GAD2: variants seen among roughly 807,000 people sequenced by gnomAD.
The protein encoded by GAD2 is 65 kDa glutamic acid decarboxylase.
A neutral mutation model predicts 80.1 loss-of-function variants in GAD2; 22 were observed. The ratio of observed to expected loss-of-function variants is 0.27; its 90% CI spans 0.20 to 0.39. The LOEUF (loss-of-function observed/expected upper bound fraction) is 0.39. GAD2 is among the 10% of genes least tolerant of loss of function. GAD2 has a pLI of 1.00. For synonymous variants in GAD2, 274 were observed against 256.9 expected (o/e 1.07, Z -0.64); for missense variants, 624 against 738.4 (o/e 0.85, Z 1.80).
intron 8 of GAD2, among the ~76,000 whole-genome samples, chr10:26,258,511 T>C (rs1296064604): frequency 6.6e-6 from 1 of 152,176 alleles, no homozygotes; most frequent in African/African-American, 2.4e-5. Context: ...AAATTGAAAT[T>C]CCGTGCTCAT....
chr10:26,223,644 A>G (rs1589136714), intron 4 of GAD2, among the ~76,000 whole-genome samples: 1 of 151,882 alleles, frequency 6.6e-6, no homozygotes, highest in South Asian at 2.1e-4. Context: ...AAGAAATATC[A>G]AAACCTAAAG....
chr10:26,292,274 G>A (rs1321759493), intron 13 of GAD2, among the ~76,000 whole-genome samples, 191 bp from the exon 14 acceptor site: 4 of 152,184 alleles, frequency 2.6e-5, no homozygotes, highest in African/African-American at 7.2e-5. Flanking sequence ...TAATGAAAGG[G>A]AACAAAAGCA....
In GAD2 at chr10:26,301,037, A is replaced by G. The variant is rs1258650781; in HGVS notation, c.*76A>G. On this transcript the variant is annotated 3_prime_UTR_variant, in exon 16 of 16. Coordinates refer to ENST00000376261, the MANE Select transcript of GAD2 (RefSeq NM_001134366.2). Reference sequence around the variant, plus strand: ...TCACAAACTGTGTGAATGTATTTGTAGTTTGTTCCAAAGTAAATCTATTTC... The same window carrying G: ...TCACAAACTGTGTGAATGTATTTGTGGTTTGTTCCAAAGTAAATCTATTTC... The G allele has an allele frequency of 1.6e-6, 2 of 1,264,290 alleles. No individual in the cohort carries two copies. The highest frequency in any genetic ancestry group is 3.0e-5 in the African/African-American group (2 of 67,360). 78.3% of individuals were successfully genotyped at this position (1,264,290 alleles called of 1,614,324 possible). A position where few individuals can be genotyped will look rare whatever the true frequency, so the allele number is the denominator to read the frequency against.
At chr10:26,240,797 C>T (rs895284578) in intron 7 of GAD2, among the ~76,000 whole-genome samples, 20 of 150,526 alleles carry the variant, frequency 1.3e-4, no homozygotes, top group East Asian at 1.2e-3. Context: ...TTTGGGAGGC[C>T]GAGGCGGGGT....
At chr10:26,297,804 C>A (rs1323009848) in intron 15 of GAD2, among the ~76,000 whole-genome samples, 1 of 152,166 alleles carries the variant, frequency 6.6e-6, no homozygotes, top group Non-Finnish European at 1.5e-5. Flanking sequence ...TTTTATGCCT[C>A]ACAGGGCCTG....
chr10:26,289,790 C>A (rs906854787), intron 13 of GAD2, among the ~76,000 whole-genome samples: 63 of 141,946 alleles, frequency 4.4e-4, no homozygotes, highest in Non-Finnish European at 7.0e-4. Context: ...ATCTCCCCCC[C>A]ACCTTTTTTT....
intron 8 of GAD2, among the ~76,000 whole-genome samples, chr10:26,247,666 C>G (rs915186880): frequency 6.6e-6 from 1 of 151,980 alleles, no homozygotes; most frequent in South Asian, 2.1e-4. Context: ...GAGGCCGAGG[C>G]GGGTGGATAA....
At chr10:26,241,850 C>G (rs760319403) in intron 7 of GAD2, among the ~76,000 whole-genome samples, 1 of 152,166 alleles carries the variant, frequency 6.6e-6, no homozygotes, top group Non-Finnish European at 1.5e-5. Context: ...CCTCACTCCT[C>G]TGGGTGGTCT....
intron 7 of GAD2, among the ~76,000 whole-genome samples, chr10:26,231,013 C>G (rs186665768): frequency 6.6e-6 from 1 of 152,040 alleles, no homozygotes; most frequent in Non-Finnish European, 1.5e-5. Flanking sequence ...TCACTTGAAC[C>G]GAGGAGGCAA....
chr10:26,221,833 C>G (rs1019489324), intron 4 of GAD2, among the ~76,000 whole-genome samples: 2 of 152,218 alleles, frequency 1.3e-5, no homozygotes, highest in Non-Finnish European at 2.9e-5. Context: ...GCGCTCTGCT[C>G]CCATCACAGG....
intron 15 of GAD2, among the ~76,000 whole-genome samples, chr10:26,295,508 GCACACACACA>G (rs61216190): frequency 7.5e-5 from 10 of 133,898 alleles, no homozygotes; most frequent in Admixed American, 5.2e-4. Context: ...TCATACGCAT[GCACACACACA>G]CACACACACA....
chr10:26,300,784 A>G lies in GAD2; in HGVS notation c.1585-4A>G. On this transcript the variant is annotated splice_polypyrimidine_tract_variant and splice_region_variant and intron_variant, in intron 15 of 15. Coordinates refer to ENST00000376261, the MANE Select transcript of GAD2 (RefSeq NM_001134366.2). Reference sequence around the variant, plus strand: ...TCACCATGCTGATATGGTCTGTCCCACAGGTGGCTCCAGTGATTAAAGCCA... The same window carrying G: ...TCACCATGCTGATATGGTCTGTCCCGCAGGTGGCTCCAGTGATTAAAGCCA... 2 of 1,613,518 alleles carry G rather than the reference A, an allele frequency of 1.2e-6. No individual in the cohort carries two copies. The highest frequency in any genetic ancestry group is 2.2e-5 in the South Asian group (2 of 91,026).
At chr10:26,250,877 CTT>C (rs1181428173) in intron 8 of GAD2, among the ~76,000 whole-genome samples, 21 of 112,932 alleles carry the variant, frequency 1.9e-4, no homozygotes, top group Non-Finnish European at 2.3e-4. Context: ...GTTTTTTTTC[CTT>C]TTTTTTTTTT....
intron 8 of GAD2, among the ~76,000 whole-genome samples, chr10:26,253,574 T>A (rs1179547705): frequency 6.6e-6 from 1 of 152,204 alleles, no homozygotes; most frequent in African/African-American, 2.4e-5. Context: ...AAATTTCTAT[T>A]GTATGGATGA....
At chr10:26,255,419 G>C (rs1335483116) in intron 8 of GAD2, among the ~76,000 whole-genome samples, 2 of 152,104 alleles carry the variant, frequency 1.3e-5, no homozygotes, top group Admixed American at 1.3e-4. Context: ...TGAGAAAAGG[G>C]AGAACTAATA....
chr10:26,292,987 C>T lies in GAD2; in HGVS notation c.1580C>T (p.Ser527Leu), dbSNP rs149742560. The T allele has an allele frequency of 5.7e-4, 924 of 1,611,640 alleles. No individual in the cohort carries two copies. Among genetic ancestry groups the T allele is most frequent in the Non-Finnish European group, 6.6e-4 (783 of 1,178,270 alleles). Residue 527 changes from serine (S) to leucine (L), a missense_variant, in exon 15 of 16, where the codon TCG becomes TTG. Physicochemically the swap from Ser to Leu is moderately radical, Grantham distance 145. Coordinates refer to ENST00000376261, the MANE Select transcript of GAD2 (RefSeq NM_001134366.2). ...EDNEERMSRLSKVAPVIKARM... is the reference protein window; with the variant it reads ...EDNEERMSRLLKVAPVIKARM... ...AATGAAGAGAGAATGAGTCGCCTCTCGAAGGTCAGTGCTCCAAGCTCCTCT... is the reference window on the plus strand; with the variant it reads ...AATGAAGAGAGAATGAGTCGCCTCTTGAAGGTCAGTGCTCCAAGCTCCTCT...
intron 7 of GAD2, among the ~76,000 whole-genome samples, chr10:26,234,061 C>T (rs1426764500): frequency 2.0e-5 from 3 of 152,148 alleles, no homozygotes; most frequent in African/African-American, 7.2e-5. Flanking sequence ...CGGTGGCTCA[C>T]GCCTGTAATC....
intron 6 of GAD2, chr10:26,224,893 C>T: frequency 2.2e-6 from 1 of 461,940 alleles, no homozygotes; most frequent in Non-Finnish European, 3.9e-6. Flanking sequence ...ATGGTACTTA[C>T]CCAGTGCTTC....
intron 13 of GAD2, among the ~76,000 whole-genome samples, chr10:26,289,293 C>G (rs1052939275): frequency 2.6e-5 from 4 of 152,036 alleles, no homozygotes; most frequent in Non-Finnish European, 5.9e-5. Context: ...AGGAAACAAT[C>G]TGGAAAAGAT....
Sources: allele counts gnomAD v4.1 joint callset (sites outside exome capture counted in the v4.1 genomes callset), GRCh38; gene constraint gnomAD v4.1.1; transcripts MANE v1.5; gene names NCBI Gene and HGNC (gene_info 2026-07-23, HGNC 2026-07-21).